TEAD1: variants seen among roughly 807,000 people sequenced by gnomAD.
TEAD1 encodes the protein TEA domain transcription factor 1.
TEAD1 carries 9 observed loss-of-function variants against 54.9 expected under a neutral mutation model. That is an observed-to-expected ratio of 0.16 (90% CI 0.10 to 0.29). The LOEUF (loss-of-function observed/expected upper bound fraction) is 0.29. Ranked by LOEUF, TEAD1 falls within the 10% of genes least tolerant of loss-of-function variation. The pLI is 1.00. For synonymous variants in TEAD1, 200 were observed against 187.8 expected (o/e 1.07, Z -0.53); for missense variants, 387 against 535.9 (o/e 0.72, Z 2.74).
chr11:12,691,251 T>A (rs2133824250), intron 2 of TEAD1, among the ~76,000 whole-genome samples: 1 of 152,350 alleles, frequency 6.6e-6, no homozygotes, highest in South Asian at 2.1e-4. Flanking sequence ...CAGTGGGAAT[T>A]TCTTTAGTTG....
At chr11:12,796,525 A>C (rs182174799) in intron 3 of TEAD1, among the ~76,000 whole-genome samples, 2 of 151,492 alleles carry the variant, frequency 1.3e-5, no homozygotes, top group Non-Finnish European at 2.9e-5. Context: ...TAGGAGTTTG[A>C]GACCAGCCTG....
intron 2 of TEAD1, among the ~76,000 whole-genome samples, chr11:12,694,346 A>G (rs1943532427): frequency 6.6e-6 from 1 of 152,112 alleles, no homozygotes; most frequent in Non-Finnish European, 1.5e-5. Flanking sequence ...CCAGCCTGCC[A>G]AGCTCTGGCC....
intron 2 of TEAD1, among the ~76,000 whole-genome samples, chr11:12,714,061 T>C (rs970611125): frequency 1.3e-5 from 2 of 152,170 alleles, no homozygotes; most frequent in Non-Finnish European, 2.9e-5. Flanking sequence ...AGGGAACGTG[T>C]AGATTGAATC....
intron 3 of TEAD1, among the ~76,000 whole-genome samples, chr11:12,860,993 T>C (rs1947488175): frequency 6.6e-6 from 1 of 152,212 alleles, no homozygotes; most frequent in African/African-American, 2.4e-5. Flanking sequence ...AGCAGCAAGC[T>C]TCAGACTTGT....
At chr11:12,851,372 C>A (rs988718640) in intron 3 of TEAD1, among the ~76,000 whole-genome samples, 35 of 142,248 alleles carry the variant, frequency 2.5e-4, no homozygotes, top group African/African-American at 1.0e-3. Context: ...TAACTATTGT[C>A]GTCACACACA....
chr11:12,908,580 T>G (rs544215277), intron 10 of TEAD1, among the ~76,000 whole-genome samples: 1 of 152,296 alleles, frequency 6.6e-6, no homozygotes, highest in Admixed American at 6.5e-5. Flanking sequence ...AAACGTAAGG[T>G]GAATAAACTA....
intron 2 of TEAD1, among the ~76,000 whole-genome samples, chr11:12,750,840 C>T (rs939004184): frequency 2.6e-5 from 4 of 152,158 alleles, no homozygotes; most frequent in Non-Finnish European, 5.9e-5. Flanking sequence ...CTCATTGATC[C>T]GAGAGACAGA....
intron 5 of TEAD1, among the ~76,000 whole-genome samples, chr11:12,872,969 G>A (rs908639216): frequency 3.3e-5 from 5 of 152,288 alleles, no homozygotes; most frequent in Admixed American, 6.5e-5. Context: ...ACACAGAGGC[G>A]TGGAATGGCT....
At chr11:12,884,132 C>T (rs905676550) in intron 9 of TEAD1, among the ~76,000 whole-genome samples, 2 of 152,120 alleles carry the variant, frequency 1.3e-5, no homozygotes, top group African/African-American at 2.4e-5. Flanking sequence ...CTACCTCCCC[C>T]ACCCCCATCT....
intron 3 of TEAD1, among the ~76,000 whole-genome samples, chr11:12,807,197 G>A (rs185767795): frequency 7.2e-5 from 11 of 152,322 alleles, no homozygotes; most frequent in East Asian, 5.8e-4. Context: ...GTTTATCAGA[G>A]TATACTGATT....
intron 3 of TEAD1, among the ~76,000 whole-genome samples, chr11:12,850,186 A>G (rs886423629): frequency 6.6e-6 from 1 of 152,214 alleles, no homozygotes; most frequent in Non-Finnish European, 1.5e-5. Context: ...CTATAATCCC[A>G]GCACTTTCGG....
intron 2 of TEAD1, among the ~76,000 whole-genome samples, chr11:12,702,770 G>A (rs1022442406): frequency 6.6e-6 from 1 of 152,126 alleles, no homozygotes; most frequent in Non-Finnish European, 1.5e-5. Context: ...ATGCCATTGT[G>A]TCTCAGCAGG....
Position 12,880,857 on chromosome 11 carries a change from A to G in TEAD1, c.466-148A>G, listed in dbSNP as rs1947951536. 9.1e-6 allele frequency: 8 copies of G among 883,264 alleles called. No homozygotes were observed. The East Asian group carries it at 1.2e-4, about 13-fold the overall frequency. The allele number at this position is 883,264 out of a possible 1,614,324, so 54.7% of individuals were successfully genotyped here. A position where few individuals can be genotyped will look rare whatever the true frequency, so the allele number is the denominator to read the frequency against. ...AGGATATAGGTTGTGGTCTCGTGCA[A>G]GTGGTGACCGCATTTGCACTCTGGG... is the stretch of plus-strand genomic sequence containing the variant. On this transcript the variant is annotated intron_variant, in intron 6 of 12. Transcript: ENST00000527636.
chr11:12,753,791 TC>T (rs1455014046), intron 2 of TEAD1, among the ~76,000 whole-genome samples: 2 of 152,230 alleles, frequency 1.3e-5, no homozygotes, highest in East Asian at 3.8e-4. Flanking sequence ...GCTTTTGTGT[TC>T]CTTTAAAGTA....
At chr11:12,832,320 A>G (rs1333053406) in intron 3 of TEAD1, among the ~76,000 whole-genome samples, 4 of 152,372 alleles carry the variant, frequency 2.6e-5, no homozygotes, top group South Asian at 2.1e-4. Context: ...CAAGCATTCA[A>G]CAAGGGTTAT....
chr11:12,724,100 C>T (rs1944266142), intron 2 of TEAD1, among the ~76,000 whole-genome samples: 1 of 152,142 alleles, frequency 6.6e-6, no homozygotes, highest in African/African-American at 2.4e-5. Context: ...TCCCCAGGCT[C>T]CTTCATGGTG....
chr11:12,838,710 C>T (rs1946960784), intron 3 of TEAD1, among the ~76,000 whole-genome samples: 1 of 152,188 alleles, frequency 6.6e-6, no homozygotes, highest in Non-Finnish European at 1.5e-5. Context: ...TTCATTTTGT[C>T]ATCAGCAAAA....
intron 3 of TEAD1, among the ~76,000 whole-genome samples, chr11:12,793,502 T>G (rs573084057): frequency 1.3e-5 from 2 of 152,362 alleles, no homozygotes; most frequent in East Asian, 3.9e-4. Flanking sequence ...GTATATTTTA[T>G]TATGTACTGT....
chr11:12,689,025 G>T (rs1227178855), intron 2 of TEAD1, among the ~76,000 whole-genome samples: 16 of 147,040 alleles, frequency 1.1e-4, no homozygotes, highest in East Asian at 2.0e-4. Context: ...TTTTTTTTTT[G>T]TTGTTGTTTA....
Sources: gnomAD v4.1 joint callset for allele counts (sites outside exome capture counted in the v4.1 genomes callset) on GRCh38, gnomAD v4.1.1 for gene constraint, MANE v1.5 for transcripts, NCBI Gene and HGNC (gene_info 2026-07-23, HGNC 2026-07-21) for gene names.